DIAPH3: variants seen among roughly 807,000 people sequenced by gnomAD.
DIAPH3 encodes the protein diaphanous related formin 3, also known as protein diaphanous homolog 3.
Under a neutral mutation model 144.3 loss-of-function variants are expected in DIAPH3, and 117 were observed. The ratio of observed to expected loss-of-function variants is 0.81; its 90% CI spans 0.70 to 0.95. The LOEUF is 0.95. Ranked by LOEUF, DIAPH3 falls within the 40% of genes least tolerant of loss-of-function variation. The pLI, the probability that DIAPH3 is intolerant of heterozygous loss-of-function variation, is 0.00. For synonymous variants in DIAPH3, 519 were observed against 488.9 expected, an observed-to-expected ratio of 1.06 and a Z score of -0.81; for missense variants, 1,421 against 1,412.7, an observed-to-expected ratio of 1.01 and a Z score of -0.09.
intron 17 of DIAPH3, among the ~76,000 whole-genome samples, chr13:59,948,833 A>AAAAG (rs1404515041): frequency 1.4e-5 from 2 of 142,714 alleles, no homozygotes; most frequent in Non-Finnish European, 3.0e-5. Flanking sequence ...GCTTGACATA[A>AAAAG]AAAGAAAGAA....
chr13:59,810,415 T>C (rs894529956), intron 25 of DIAPH3, among the ~76,000 whole-genome samples: 5 of 152,244 alleles, frequency 3.3e-5, no homozygotes, highest in Admixed American at 2.6e-4. Flanking sequence ...TTGGGATATT[T>C]TGTTGAAGAA....
intron 25 of DIAPH3, among the ~76,000 whole-genome samples, chr13:59,784,746 G>C (rs2038939803): frequency 6.6e-6 from 1 of 152,056 alleles, no homozygotes; most frequent in Non-Finnish European, 1.5e-5. Flanking sequence ...ATGGGACTAG[G>C]GAAGGAAAGC....
intron 4 of DIAPH3, among the ~76,000 whole-genome samples, chr13:60,079,211 A>C (rs1445311198): frequency 6.6e-6 from 1 of 152,122 alleles, no homozygotes; most frequent in Non-Finnish European, 1.5e-5. Flanking sequence ...CACCAGAAAA[A>C]ATAAAGCATG....
intron 27 of DIAPH3, among the ~76,000 whole-genome samples, chr13:59,685,467 G>A (rs529371737): frequency 1.2e-3 from 176 of 152,232 alleles, no homozygotes; most frequent in African/African-American, 4.1e-3. Flanking sequence ...GCAGGTATGT[G>A]GACACATTAG....
rs118082298 is a variant in DIAPH3 at position 59,755,213 on chromosome 13, T to C, written c.3319+18976A>G. Among the ~76,000 whole-genome samples the C allele has an allele frequency of 2.5e-3, 373 of 152,218 alleles. 3 individuals are homozygous for C. In the East Asian group the frequency reaches 0.038, roughly 15 times the overall value. On this transcript the variant is annotated intron_variant, in intron 27 of 27. Transcript: ENST00000400324. Reference sequence around the variant, plus strand: ...AGAACTTGTTTCAATACCACACAACTTCTAAGCACTAAATAAATGTTCATT... The same window carrying C: ...AGAACTTGTTTCAATACCACACAACCTCTAAGCACTAAATAAATGTTCATT...
At chr13:60,102,011 T>C (rs1746353003) in intron 3 of DIAPH3, among the ~76,000 whole-genome samples, 1 of 152,168 alleles carries the variant, frequency 6.6e-6, no homozygotes, top group African/African-American at 2.4e-5. Flanking sequence ...AAACTACTAC[T>C]TCTGCCTATC....
chr13:60,026,111 C>T (rs995721447), intron 5 of DIAPH3, among the ~76,000 whole-genome samples: 2 of 151,988 alleles, frequency 1.3e-5, no homozygotes, highest in Non-Finnish European at 2.9e-5. Context: ...AATCATCCTC[C>T]ACCTAGTCAG....
chr13:60,069,036 T>C (rs1462921569), intron 4 of DIAPH3, among the ~76,000 whole-genome samples: 2 of 152,194 alleles, frequency 1.3e-5, no homozygotes, highest in Non-Finnish European at 2.9e-5. Context: ...GGTGGTTGTT[T>C]TTAGGTCTTT....
chr13:59,696,151 T>C (rs908905472), intron 27 of DIAPH3: 2 of 152,208 alleles, frequency 1.3e-5, no homozygotes, highest in Admixed American at 6.5e-5. Flanking sequence ...ATGACATGGT[T>C]CCGTTGATCT....
At chr13:59,873,792 G>A (rs2044433263) in intron 21 of DIAPH3, among the ~76,000 whole-genome samples, 1 of 149,512 alleles carries the variant, frequency 6.7e-6, no homozygotes, top group Non-Finnish European at 1.5e-5. Context: ...TCAGCCTCAC[G>A]AATAGAGTAG....
chr13:59,699,866 A>T (rs1034977717), intron 27 of DIAPH3, among the ~76,000 whole-genome samples: 1 of 152,188 alleles, frequency 6.6e-6, no homozygotes, highest in African/African-American at 2.4e-5. Flanking sequence ...CCAACCGCAC[A>T]CACACTCTCC....
chr13:59,900,444 C>T (rs1246471063), intron 20 of DIAPH3, among the ~76,000 whole-genome samples: 1 of 152,072 alleles, frequency 6.6e-6, no homozygotes, highest in African/African-American at 2.4e-5. Flanking sequence ...TCCCTCTCAC[C>T]CCAACTCATG....
chr13:59,762,879 G>T (rs2139202221), intron 27 of DIAPH3, among the ~76,000 whole-genome samples: 1 of 152,206 alleles, frequency 6.6e-6, no homozygotes, highest in South Asian at 2.1e-4. Flanking sequence ...TGCCATTATT[G>T]TGAGAATAGT....
intron 27 of DIAPH3, among the ~76,000 whole-genome samples, chr13:59,678,348 T>C (rs1217261337): frequency 1.3e-5 from 2 of 152,186 alleles, no homozygotes; most frequent in African/African-American, 2.4e-5. Context: ...GCATAAGTCA[T>C]AGGCATTACC....
intron 21 of DIAPH3, among the ~76,000 whole-genome samples, chr13:59,862,533 G>A (rs1345296581): frequency 6.6e-6 from 1 of 152,174 alleles, no homozygotes; most frequent in Non-Finnish European, 1.5e-5. Flanking sequence ...CCATGTGGGT[G>A]TGGAAACCCA....
At position 59,954,428 on chromosome 13, in the gene DIAPH3, T is replaced by A. The variant is rs184086017; in HGVS notation, c.2074+15516A>T. Among the ~76,000 whole-genome samples, 4 of 152,186 alleles carry A rather than the reference T, an allele frequency of 2.6e-5. No homozygotes were observed. The East Asian group carries it at 7.7e-4, about 29-fold the overall frequency. The stretch of plus-strand genomic sequence containing the variant: ...AATATAATCAAAAATAATGATAAAA[T>A]TTGGGTTATTATGGTTGTAGGACAT... On this transcript the variant is annotated intron_variant, in intron 17 of 27. Transcript: ENST00000400324.
At chr13:59,737,290 A>T (rs2036203907) in intron 27 of DIAPH3, among the ~76,000 whole-genome samples, 1 of 124,238 alleles carries the variant, frequency 8.0e-6, no homozygotes, top group African/African-American at 2.8e-5. Flanking sequence ...AAGGAAATTA[A>T]ATTTACAAAA....
At chr13:60,034,216 C>T (rs983381282) in intron 5 of DIAPH3, among the ~76,000 whole-genome samples, 11 of 152,174 alleles carry the variant, frequency 7.2e-5, no homozygotes, top group South Asian at 2.1e-4. Context: ...CAGTTAATAA[C>T]TTCATACTGA....
chr13:60,090,315 T>C (rs2057888660), intron 4 of DIAPH3, among the ~76,000 whole-genome samples: 1 of 152,158 alleles, frequency 6.6e-6, no homozygotes, highest in Non-Finnish European at 1.5e-5. Flanking sequence ...TTTATTCTTG[T>C]GCCACCTAAA....
Sources: gnomAD v4.1 joint callset for allele counts (sites outside exome capture counted in the v4.1 genomes callset) on GRCh38, gnomAD v4.1.1 for gene constraint, MANE v1.5 for transcripts, NCBI Gene and HGNC (gene_info 2026-07-23, HGNC 2026-07-21) for gene names.